The following FARP1 variants were observed in gnomAD, a reference collection of about 807,000 sequenced individuals.
FARP1 encodes the protein FERM, ARH/RhoGEF and pleckstrin domain protein 1, also known as FERM, ARHGEF and pleckstrin domain-containing protein 1.
In FARP1, 52 loss-of-function variants were observed where a neutral mutation model predicts 128.8. The observed-to-expected ratio is 0.40, with a 90% confidence interval of 0.32 to 0.51. FARP1 has a LOEUF of 0.51. Ranked by LOEUF, FARP1 falls within the 20% of genes least tolerant of loss-of-function variation. The pLI is 0.45. For synonymous variants in FARP1, 580 were observed against 551.8 expected (o/e 1.05, Z -0.72); for missense variants, 1,333 against 1,367.9 (o/e 0.97, Z 0.40).
At chr13:98,233,950 C>T (rs1594302574) in intron 2 of FARP1, 2 of 152,320 alleles carry the variant, frequency 1.3e-5, no homozygotes, top group South Asian at 2.1e-4. Flanking sequence ...AATTACCATC[C>T]CACATCTTTT....
intron 16 of FARP1, among the ~76,000 whole-genome samples, chr13:98,416,632 GT>G (rs1201488754): frequency 6.6e-6 from 1 of 152,216 alleles, no homozygotes; most frequent in Non-Finnish European, 1.5e-5. Flanking sequence ...AGCAAGAACA[GT>G]TTACTCAGCT....
chr13:98,319,907 C>T (rs1886916525), intron 2 of FARP1, among the ~76,000 whole-genome samples: 1 of 151,872 alleles, frequency 6.6e-6, no homozygotes, highest in African/African-American at 2.4e-5. Flanking sequence ...AAGTGTGTTT[C>T]TGAATTAGGT....
At chr13:98,418,793 T>A (rs1891483148) in intron 16 of FARP1, among the ~76,000 whole-genome samples, 1 of 152,180 alleles carries the variant, frequency 6.6e-6, no homozygotes, top group African/African-American at 2.4e-5. Flanking sequence ...GCTCTTCTCT[T>A]CTACTGTATT....
intron 2 of FARP1, among the ~76,000 whole-genome samples, chr13:98,220,140 G>A (rs530147328): frequency 7.9e-5 from 12 of 151,954 alleles, no homozygotes; most frequent in Non-Finnish European, 1.5e-4. Context: ...TAAGTGTAGC[G>A]GTTCCGACTC....
At chr13:98,416,650 A>G (rs186931908) in intron 16 of FARP1, among the ~76,000 whole-genome samples, 26 of 152,328 alleles carry the variant, frequency 1.7e-4, no homozygotes, top group Non-Finnish European at 3.2e-4. Context: ...AGCTGTTCAA[A>G]TGAGTTCAGA....
intron 5 of FARP1, among the ~76,000 whole-genome samples, chr13:98,374,018 T>C (rs1470803245): frequency 2.0e-5 from 3 of 152,294 alleles, no homozygotes; most frequent in East Asian, 1.9e-4. Context: ...TAGTAAGATA[T>C]CCTTTCTGAA....
At chr13:98,342,536 T>TA (rs1335806013) in intron 2 of FARP1, among the ~76,000 whole-genome samples, 1 of 150,928 alleles carries the variant, frequency 6.6e-6, no homozygotes, top group East Asian at 1.9e-4. Flanking sequence ...CCATCTCTAC[T>TA]AAAAAATACA....
chr13:98,383,032 G>A (rs969376628), intron 6 of FARP1, among the ~76,000 whole-genome samples: 3 of 152,190 alleles, frequency 2.0e-5, no homozygotes, highest in African/African-American at 4.8e-5. Flanking sequence ...CATAAGATAC[G>A]GCCAGTTAAC....
At chr13:98,177,243 G>A (rs762131725) in intron 1 of FARP1, 2 of 1,542,366 alleles carry the variant, frequency 1.3e-6, no homozygotes, top group East Asian at 4.5e-5. Context: ...CCATGTTTGA[G>A]TCTCAGGCTC....
chr13:98,445,813 C>T lies in FARP1; in HGVS notation c.2797-285C>T, dbSNP rs113702482. ...AGTTACCCTGCAACGAGCCTATTTCCAAATAAGCCTGTGTTCTAAGGTACT... is the reference window on the plus strand; with the variant it reads ...AGTTACCCTGCAACGAGCCTATTTCTAAATAAGCCTGTGTTCTAAGGTACT... On this transcript the variant is annotated intron_variant, in intron 24 of 26. Coordinates refer to ENST00000319562, the MANE Select transcript of FARP1 (RefSeq NM_005766.4). The T allele has an allele frequency of 1.3e-3, 385 of 305,280 alleles. 1 individual carries two copies. The highest frequency in any genetic ancestry group is 7.9e-3 in the African/African-American group (361 of 45,642). 18.9% of individuals were successfully genotyped at this position (305,280 alleles called of 1,614,324 possible).
rs536790686 is a variant in FARP1 at position 98,454,065 on chromosome 13, A to G, written c.*5748A>G. 5 of 152,336 alleles carry G rather than the reference A, an allele frequency of 3.3e-5. No individual in the cohort carries two copies. The highest frequency in any genetic ancestry group is 9.6e-5 in the African/African-American group (4 of 41,562). The allele number at this position is 152,336 out of a possible 1,614,324, so 9.4% of individuals were successfully genotyped here. A position where few individuals can be genotyped will look rare whatever the true frequency, so the allele number is the denominator to read the frequency against. ...TATTCAGCCTGTATATGTGCACTATATAAGTATATTTACATGAACAACTTC... is the reference window on the plus strand; with the variant it reads ...TATTCAGCCTGTATATGTGCACTATGTAAGTATATTTACATGAACAACTTC... On this transcript the variant is annotated 3_prime_UTR_variant, in exon 27 of 27. Transcript: ENST00000319562.
Position 98,435,700 on chromosome 13 carries a change from G to A in FARP1, c.2268G>A (p.Pro756=), listed in dbSNP as rs149797871. 2.5e-6 allele frequency: 4 copies of A among 1,614,090 alleles called. No individual in the cohort carries two copies. The highest frequency in any genetic ancestry group is 1.3e-5 in the African/African-American group (1 of 75,036). The change falls in exon 19 of 27, where the codon CCG becomes CCA. Residue 756 remains proline, a synonymous_variant. Coordinates refer to ENST00000319562, the MANE Select transcript of FARP1 (RefSeq NM_005766.4). ...DLIGIDNLVV[P]GREFIRLGSL... is the part of the protein sequence containing the mutation. ...TTGGCATTGACAATCTTGTGGTTCC[G>A]GGAAGGGTAAGCAGCAGTGGCCTCA...
intron 2 of FARP1, among the ~76,000 whole-genome samples, chr13:98,237,831 T>C (rs1226171462): frequency 6.6e-6 from 1 of 152,206 alleles, no homozygotes; most frequent in African/African-American, 2.4e-5. Context: ...GACCATTTTT[T>C]TTTTAAAGAA....
At chr13:98,348,666 T>G (rs1200855626) in intron 3 of FARP1, among the ~76,000 whole-genome samples, 1 of 152,256 alleles carries the variant, frequency 6.6e-6, no homozygotes, top group Non-Finnish European at 1.5e-5. Context: ...GTGGCTGTGT[T>G]CCAATACAGC....
chr13:98,387,294 G>A (rs1156975108), intron 8 of FARP1, among the ~76,000 whole-genome samples: 1 of 152,056 alleles, frequency 6.6e-6, no homozygotes, highest in Non-Finnish European at 1.5e-5. Context: ...GAGCAAGACT[G>A]TCTCAAAAAG....
intron 2 of FARP1, among the ~76,000 whole-genome samples, chr13:98,310,022 C>T (rs1886385515): frequency 6.9e-6 from 1 of 145,166 alleles, no homozygotes. Context: ...CCGATGGGAC[C>T]ATCCTCTCTC....
At chr13:98,351,908 C>A (rs1198549589) in intron 3 of FARP1, among the ~76,000 whole-genome samples, 1 of 152,118 alleles carries the variant, frequency 6.6e-6, no homozygotes, top group Non-Finnish European at 1.5e-5. Context: ...CAGGACCCAC[C>A]CCCAACACTG....
chr13:98,263,511 A>G (rs1020875540), intron 2 of FARP1, among the ~76,000 whole-genome samples: 7 of 152,238 alleles, frequency 4.6e-5, no homozygotes, highest in African/African-American at 1.7e-4. Flanking sequence ...CTCAAAAGAG[A>G]AAAAAGTTTA....
At chr13:98,169,995 A>T (rs1259146214) in intron 1 of FARP1, among the ~76,000 whole-genome samples, 2 of 152,166 alleles carry the variant, frequency 1.3e-5, no homozygotes, top group African/African-American at 4.8e-5. Flanking sequence ...CTTACTTTCT[A>T]TGAGATCTCT....
Sources: allele counts gnomAD v4.1 joint callset (sites outside exome capture counted in the v4.1 genomes callset), GRCh38; gene constraint gnomAD v4.1.1; transcripts MANE v1.5; gene names NCBI Gene and HGNC (gene_info 2026-07-23, HGNC 2026-07-21).